The following MED17 variants were observed in gnomAD, a reference collection of about 807,000 sequenced individuals.
MED17 encodes mediator complex subunit 17, also known as mediator of RNA polymerase II transcription subunit 17.
MED17 carries 49 observed loss-of-function variants against 80.8 expected under a neutral mutation model. The ratio of observed to expected loss-of-function variants is 0.61; its 90% CI spans 0.48 to 0.77. The LOEUF is 0.77. Ranked by LOEUF, MED17 falls within the 30% of genes least tolerant of loss-of-function variation. The probability of loss-of-function intolerance (pLI) is 0.00; values close to 1 mark genes in which losing one functional copy is unlikely to be tolerated. For synonymous variants in MED17, 281 were observed against 280.4 expected (o/e 1.00, Z -0.02); for missense variants, 718 against 787.0 (o/e 0.91, Z 1.05).
In MED17 at chr11:93,795,074, T is replaced by A. The variant is rs1943886148; in HGVS notation, c.1012+14T>A. On this transcript the variant is annotated intron_variant, in intron 6 of 11. Coordinates refer to ENST00000251871, the MANE Select transcript of MED17 (RefSeq NM_004268.5). ...AGCCCTTTCCGAGTAAGAGCAGCCCTTTTTCGACTTTATGAACAGGACTTT... is the reference window on the plus strand; with the variant it reads ...AGCCCTTTCCGAGTAAGAGCAGCCCATTTTCGACTTTATGAACAGGACTTT... 6.2e-7 allele frequency: 1 copy of A among 1,613,182 alleles called. No homozygotes were observed. Among genetic ancestry groups the A allele is most frequent in the South Asian group, 1.1e-5 (1 of 91,070 alleles).
intron 1 of MED17, 91 bp from the exon 2 acceptor site, chr11:93,787,910 C>T: frequency 4.8e-6 from 5 of 1,038,842 alleles, no homozygotes; most frequent in Admixed American, 3.4e-5. Flanking sequence ...AATTATTTCT[C>T]CTTTTAGTAC....
At position 93,813,485 on chromosome 11, in the gene MED17, A is replaced by C. The variant is rs561644106; in HGVS notation, c.*1421A>C. On this transcript the variant is annotated 3_prime_UTR_variant, in exon 12 of 12. Transcript: ENST00000251871. Reference sequence around the variant, plus strand: ...GCCTGCAAAATTTGCCTTGGTCAATAGGCTAATCTGCACAATTCCACTCAC... The same window carrying C: ...GCCTGCAAAATTTGCCTTGGTCAATCGGCTAATCTGCACAATTCCACTCAC... The C allele has an allele frequency of 4.6e-5, 7 of 152,312 alleles. No homozygotes were observed. In the East Asian group the frequency reaches 1.2e-3, roughly 25 times the overall value. The allele number at this position is 152,312 out of a possible 1,614,324, so 9.4% of individuals were successfully genotyped here.
chr11:93,793,114 C>CTTTTTTTTTTTTTTTTTTTTTGTTT (rs1943857524), intron 3 of MED17: 1 of 52,154 alleles, frequency 1.9e-5, no homozygotes, highest in Non-Finnish European at 3.5e-5. Flanking sequence ...GAGTACACCT[C>CTTTTTTTTTTTTTTTTTTTTTGTTT]TTTTTTTTTT....
intron 9 of MED17, among the ~76,000 whole-genome samples, chr11:93,802,784 CT>C (rs1943976407): frequency 6.6e-6 from 1 of 152,150 alleles, no homozygotes; most frequent in Non-Finnish European, 1.5e-5. Flanking sequence ...GGGTTGATAA[CT>C]GTGTGTCTGT....
intron 11 of MED17, chr11:93,811,190 A>G (rs1944082514): frequency 6.6e-6 from 1 of 152,236 alleles, no homozygotes; most frequent in Admixed American, 6.5e-5. Context: ...TAGGAATTTC[A>G]AAATACCCTT....
intron 1 of MED17, among the ~76,000 whole-genome samples, chr11:93,785,879 C>G: frequency 6.6e-6 from 1 of 152,264 alleles, no homozygotes; most frequent in Non-Finnish European, 1.5e-5. Context: ...TGGTGCACGT[C>G]TGTGGTCCCA....
At chr11:93,801,487 T>G (rs1183980343) in intron 8 of MED17, 2 of 264,770 alleles carry the variant, frequency 7.6e-6, no homozygotes, top group Non-Finnish European at 1.5e-5. Context: ...ATGATTTATA[T>G]TAGGTTTATA....
At position 93,784,558 on chromosome 11, in the gene MED17, C is replaced by G. The variant is rs777259634; in HGVS notation, c.45C>G (p.Cys15Trp). ...RAVRISIESA[C>W]EKQVHEVGLD... ...TGCGGATCAGCATCGAATCGGCCTG[C>G]GAGAAGCAGGTCCATGAGGTGGGCC... The change falls in exon 1 of 12, where the codon TGC (cysteine) becomes TGG (tryptophan). Residue 15 changes from cysteine to tryptophan, a missense_variant. By Grantham distance (215) the Cys-to-Trp change is radical (BLOSUM62 -2). Transcript: ENST00000251871. 1 of 1,612,490 alleles carries G rather than the reference C, an allele frequency of 6.2e-7. No homozygotes were observed. Among genetic ancestry groups the G allele is most frequent in the African/African-American group, 1.3e-5 (1 of 75,024 alleles).
At position 93,813,861 on chromosome 11, in the gene MED17, G is replaced by A. The variant is rs537746202; in HGVS notation, c.*1797G>A. On this transcript the variant is annotated 3_prime_UTR_variant, in exon 12 of 12. Transcript: ENST00000251871. ...GCCTCCCGAGTAACTGGGATTACAG[G>A]TGTGTGCCACCACGACCGTCTAATT... 1 of 152,074 alleles carries A rather than the reference G, an allele frequency of 6.6e-6. No individual in the cohort carries two copies. Among genetic ancestry groups the A allele is most frequent in the African/African-American group, 2.4e-5 (1 of 41,384 alleles). 9.4% of individuals were successfully genotyped at this position (152,074 alleles called of 1,614,324 possible).
At chr11:93,793,288 T>G (rs577932515) in intron 3 of MED17, 1 of 180,732 alleles carries the variant, frequency 5.5e-6, no homozygotes, top group African/African-American at 2.4e-5. Context: ...GTTAATTTTG[T>G]ATTTTTAGTA....
intron 3 of MED17, 110 bp from the exon 4 acceptor site, chr11:93,793,618 A>T: frequency 1.2e-6 from 1 of 810,662 alleles, no homozygotes. Context: ...TTTAGTGGGG[A>T]CTTACTTTGT....
rs1943743214 is a variant in MED17, at chr11:93,784,300, T to A, written c.-214T>A. The A allele has an allele frequency of 1.6e-6, 1 of 640,876 alleles. No individual in the cohort carries two copies. The highest frequency in any genetic ancestry group is 2.6e-6 in the Non-Finnish European group (1 of 386,510). The allele number at this position is 640,876 out of a possible 1,614,324, so 39.7% of individuals were successfully genotyped here. A position where few individuals can be genotyped will look rare whatever the true frequency, so the allele number is the denominator to read the frequency against. On this transcript the variant is annotated 5_prime_UTR_variant, in exon 1 of 12. Transcript: ENST00000251871. ...CCTGCCCAGTTTTGCTCCGAAAGAC[T>A]TACCGAGGAGGGAGCTTGCGGTGCG...
chr11:93,795,403 A>G (rs1286139125), intron 6 of MED17: 1 of 313,928 alleles, frequency 3.2e-6, no homozygotes, highest in Non-Finnish European at 6.0e-6. Flanking sequence ...CTTATTATCT[A>G]AATGAGAGGC....
Position 93,795,021 on chromosome 11 carries a change from AT to A in MED17, c.975del (p.Ile325MetfsTer3). On this transcript the variant is annotated frameshift_variant, in exon 6 of 12. Transcript: ENST00000251871. LOFTEE classifies it high-confidence loss of function. Reference sequence around the variant, plus strand: ...TCAAATTAAATCACAAGTCCCTCACATTGTGGTGAAAAACCAGATTATCTCT... The same window carrying A: ...TCAAATTAAATCACAAGTCCCTCACATGTGGTGAAAAACCAGATTATCTCT... ...AVQIKSQVPH[I>X]VVKNQIISQP... is the part of the protein sequence containing the mutation. 1 of 1,614,180 alleles carries A rather than the reference AT, an allele frequency of 6.2e-7. No individual in the cohort carries two copies. The highest frequency in any genetic ancestry group is 1.1e-5 in the South Asian group (1 of 91,084).
intron 9 of MED17, among the ~76,000 whole-genome samples, chr11:93,803,965 GTGTATA>G (rs1312711556): frequency 1.4e-5 from 2 of 143,924 alleles, no homozygotes; most frequent in Admixed American, 6.9e-5. Context: ...ATGTGTATGT[GTGTATA>G]TGTGTGTGTG....
At position 93,793,956 on chromosome 11, in the gene MED17, A is replaced by T. The variant is rs2135713217; in HGVS notation, c.780A>T (p.Ser260=). ...TTGTTTTTGTTGTCATATAGGTTTC[A>T]ATACAAAAACAGGCTCCAGATATAG... ...DLEGSAYIKV[S]IQKQAPDIGD... Residue 260 remains serine (S), a synonymous_variant, in exon 5 of 12, where the codon TCA becomes TCT. Coordinates refer to ENST00000251871, the MANE Select transcript of MED17 (RefSeq NM_004268.5). 6.2e-7 allele frequency: 1 copy of T among 1,614,002 alleles called. No homozygotes were observed. Among genetic ancestry groups the T allele is most frequent in the East Asian group, 2.2e-5 (1 of 44,836 alleles).
In MED17 at chr11:93,807,857, A is replaced by G. The variant is rs1944042625; in HGVS notation, c.1584+222A>G. ...CTAGGTTTTCACATAGTTTATGTTA[A>G]GATGAAGGACCAGTTCTGAGACTAG... On this transcript the variant is annotated intron_variant, in intron 10 of 11. Coordinates refer to ENST00000251871, the MANE Select transcript of MED17 (RefSeq NM_004268.5). The G allele has an allele frequency of 1.3e-5, 7 of 557,194 alleles. No individual in the cohort carries two copies. The South Asian group carries it at 1.4e-4, about 11-fold the overall frequency. The allele number at this position is 557,194 out of a possible 1,614,324, so 34.5% of individuals were successfully genotyped here. A position where few individuals can be genotyped will look rare whatever the true frequency, so the allele number is the denominator to read the frequency against.
At chr11:93,787,938 G>A in intron 1 of MED17, 63 bp from the exon 2 acceptor site, 4 of 1,344,496 alleles carry the variant, frequency 3.0e-6, no homozygotes, top group Non-Finnish European at 4.3e-6. Flanking sequence ...ACCTAAGTGA[G>A]CTGTCTGCCA....
chr11:93,808,412 A>C (rs2135722112), intron 10 of MED17: 1 of 148,678 alleles, frequency 6.7e-6, no homozygotes, highest in Non-Finnish European at 1.5e-5. Context: ...TTCTAGTCCC[A>C]GCTCTACGAC....
Sources: gnomAD v4.1 joint callset for allele counts (sites outside exome capture counted in the v4.1 genomes callset) on GRCh38, gnomAD v4.1.1 for gene constraint, MANE v1.5 for transcripts, NCBI Gene and HGNC (gene_info 2026-07-23, HGNC 2026-07-21) for gene names.